PHACTR2: variants seen among roughly 807,000 people sequenced by gnomAD.
PHACTR2 encodes phosphatase and actin regulator 2, also known as chromosome 6 open reading frame 56.
Under a neutral mutation model 76.0 loss-of-function variants are expected in PHACTR2, and 30 were observed. The ratio of observed to expected loss-of-function variants is 0.39; its 90% CI spans 0.30 to 0.54. PHACTR2 has a LOEUF of 0.54. Ranked by LOEUF, PHACTR2 falls within the 20% of genes least tolerant of loss-of-function variation. The probability of loss-of-function intolerance (pLI) is 0.61; values close to 1 mark genes in which losing one functional copy is unlikely to be tolerated. For missense variants in PHACTR2, 696 were observed against 781.1 expected (o/e 0.89, Z 1.30); for synonymous variants, 292 against 292.5 (o/e 1.00, Z 0.02).
intron 2 of PHACTR2, among the ~76,000 whole-genome samples, chr6:143,716,322 T>C (rs995437104): frequency 6.6e-5 from 10 of 151,984 alleles, no homozygotes; most frequent in African/African-American, 2.4e-4. Flanking sequence ...GGGCAGATGG[T>C]GTCTGTTATG....
Position 143,678,008 on chromosome 6 carries a change from C to T in PHACTR2, c.-156C>T. The T allele has an allele frequency of 1.4e-6, 2 of 1,467,444 alleles. No homozygotes were observed. The highest frequency in any genetic ancestry group is 1.8e-6 in the Non-Finnish European group (2 of 1,105,296). The allele number at this position is 1,467,444 out of a possible 1,614,324, so 90.9% of individuals were successfully genotyped here. A position where few individuals can be genotyped will look rare whatever the true frequency, so the allele number is the denominator to read the frequency against. ...GCCGCGCCGGCTGCGGCCGGCCGGGCTGGGAGACCCGCGCGGGGTAGAAGG... is the reference window on the plus strand; with the variant it reads ...GCCGCGCCGGCTGCGGCCGGCCGGGTTGGGAGACCCGCGCGGGGTAGAAGG... On this transcript the variant is annotated 5_prime_UTR_variant, in exon 1 of 13. Transcript: ENST00000440869. The surrounding 1 kb of genome is among the most constrained non-coding windows in gnomAD (Gnocchi z 6.2).
At chr6:143,622,921 A>G (rs1189752544) in intron 1 of PHACTR2, among the ~76,000 whole-genome samples, 1 of 152,234 alleles carries the variant, frequency 6.6e-6, no homozygotes, top group Admixed American at 6.5e-5. Context: ...TGATTATATC[A>G]AAGGCATAAG....
chr6:143,632,611 G>A (rs964287251), intron 1 of PHACTR2, among the ~76,000 whole-genome samples: 1 of 152,162 alleles, frequency 6.6e-6, no homozygotes, highest in East Asian at 1.9e-4. Context: ...ATCACCTAAA[G>A]CCCAACATTA....
intron 1 of PHACTR2, among the ~76,000 whole-genome samples, chr6:143,573,483 A>G (rs1328088907): frequency 6.6e-6 from 1 of 152,236 alleles, no homozygotes; most frequent in Non-Finnish European, 1.5e-5. Flanking sequence ...AAGAGCCTAG[A>G]GAATTTCTGA....
chr6:143,615,398 T>A (rs907131971), intron 1 of PHACTR2, among the ~76,000 whole-genome samples: 1 of 152,222 alleles, frequency 6.6e-6, no homozygotes, highest in African/African-American at 2.4e-5. Context: ...TAATGATGTT[T>A]AATTAAGTTG....
At chr6:143,605,352 G>A (rs2128436431), upstream of PHACTR2, among the ~76,000 whole-genome samples, 1 of 152,254 alleles carries the variant, frequency 6.6e-6, no homozygotes, top group African/African-American at 2.4e-5. The surrounding 1 kb of genome is among the most constrained non-coding windows in gnomAD (Gnocchi z 5.0). Context: ...CCTCTACCAT[G>A]CCCACAGCAT....
rs1046648638 is a variant in PHACTR2 at position 143,602,723 on chromosome 6, C to T, written c.217+65516C>T. ...TTGTCCAAGTGTGGATTCACCAAACCACCTTGGCCAAAAGTCCAAACTTGT... is the reference window on the plus strand; with the variant it reads ...TTGTCCAAGTGTGGATTCACCAAACTACCTTGGCCAAAAGTCCAAACTTGT... On this transcript the variant is annotated intron_variant, in intron 1 of 11. Transcript: ENST00000367584. This position sits in a 1 kb window ranked among gnomAD's most constrained non-coding sequence, Gnocchi z 6.1. 1.3e-5 allele frequency among the ~76,000 whole-genome samples: 2 copies of T among 152,136 alleles called. No individual in the cohort carries two copies. The highest frequency in any genetic ancestry group is 2.9e-5 in the Non-Finnish European group (2 of 68,028).
chr6:143,547,806 G>A lies in PHACTR2; in HGVS notation c.217+10599G>A, dbSNP rs1775030954. Among the ~76,000 whole-genome samples the A allele has an allele frequency of 6.6e-6, 1 of 152,192 alleles. No individual in the cohort carries two copies. The highest frequency in any genetic ancestry group is 2.4e-5 in the African/African-American group (1 of 41,444). ...ACATTGATACATTGGTTGTGATCAA[G>A]GAGGGCACTCTCTTTTTGTTTCCAG... On this transcript the variant is annotated intron_variant, in intron 1 of 11. Transcript: ENST00000367584. The surrounding 1 kb of genome is among the most constrained non-coding windows in gnomAD (Gnocchi z 4.2).
chr6:143,538,115 A>ACACAC (rs1562677846), intron 1 of PHACTR2, among the ~76,000 whole-genome samples: 1 of 138,676 alleles, frequency 7.2e-6, no homozygotes, highest in Non-Finnish European at 1.6e-5. Flanking sequence ...CACACACACA[A>ACACAC]ACACACAAAA....
At chr6:143,566,321 G>T (rs573917563) in intron 1 of PHACTR2, among the ~76,000 whole-genome samples, 1 of 150,854 alleles carries the variant, frequency 6.6e-6, no homozygotes, top group Admixed American at 6.6e-5. Flanking sequence ...TAGAGACAGG[G>T]TCTCACTCTG....
chr6:143,763,391 A>T (rs1464036647), intron 5 of PHACTR2, among the ~76,000 whole-genome samples: 3 of 152,200 alleles, frequency 2.0e-5, no homozygotes, highest in Non-Finnish European at 4.4e-5. Context: ...TTTCTTTAAC[A>T]AATTATTAGA....
chr6:143,756,070 T>C (rs2128471210), intron 4 of PHACTR2, among the ~76,000 whole-genome samples: 1 of 152,216 alleles, frequency 6.6e-6, no homozygotes, highest in South Asian at 2.1e-4. Flanking sequence ...CTGTCATCTA[T>C]TTGGTTATAT....
At chr6:143,694,444 G>A (rs1777724315) in intron 1 of PHACTR2, among the ~76,000 whole-genome samples, 1 of 152,164 alleles carries the variant, frequency 6.6e-6, no homozygotes, top group African/African-American at 2.4e-5. Context: ...AGTAACTAAT[G>A]TGGCCACCTG....
At chr6:143,690,814 T>TTAATTATGTGATAA (rs1389430490) in intron 1 of PHACTR2, among the ~76,000 whole-genome samples, 1 of 152,214 alleles carries the variant, frequency 6.6e-6, no homozygotes, top group Non-Finnish European at 1.5e-5. Flanking sequence ...AAAAATGTGT[T>TTAATTATGTGATAA]TACTGTGATA....
rs1333465983 is a variant in PHACTR2, at chr6:143,809,708, ATG to A, written c.1922+2581_1922+2582del. On this transcript the variant is annotated intron_variant, in intron 12 of 12. Transcript: ENST00000440869. The surrounding 1 kb of genome is among the most constrained non-coding windows in gnomAD (Gnocchi z 4.2). ...TTTCCATGCATTTATAAATGTGTGT[ATG>A]TGTGTATATATATATATATATTAAA... Among the ~76,000 whole-genome samples, 1 of 136,154 alleles carries A rather than the reference ATG, an allele frequency of 7.3e-6. No individual in the cohort carries two copies. Among genetic ancestry groups the A allele is most frequent in the Non-Finnish European group, 1.7e-5 (1 of 59,088 alleles). 89.3% of individuals were successfully genotyped at this position (136,154 alleles called of 152,430 possible).
At position 143,761,786 on chromosome 6, in the gene PHACTR2, C is replaced by T. The variant is rs1316603113; in HGVS notation, c.694+1146C>T. ...AAAAATCTATTTTCCTTAAAATCAA[C>T]AGCAACTTTCTAGCAGTTGACTGTC... On this transcript the variant is annotated intron_variant, in intron 5 of 12. Coordinates refer to ENST00000440869, the MANE Select transcript of PHACTR2 (RefSeq NM_001100164.2). The surrounding 1 kb of genome is among the most constrained non-coding windows in gnomAD (Gnocchi z 5.2). Among the ~76,000 whole-genome samples, 2 of 152,048 alleles carry T rather than the reference C, an allele frequency of 1.3e-5. No individual in the cohort carries two copies. Among genetic ancestry groups the T allele is most frequent in the Admixed American group, 1.3e-4 (2 of 15,258 alleles).
In PHACTR2 at chr6:143,591,716, G is replaced by A. The variant is rs1290621000; in HGVS notation, c.217+54509G>A. Among the ~76,000 whole-genome samples, 2 of 152,200 alleles carry A rather than the reference G, an allele frequency of 1.3e-5. No individual in the cohort carries two copies. The highest frequency in any genetic ancestry group is 2.9e-5 in the Non-Finnish European group (2 of 68,030). Reference sequence around the variant, plus strand: ...GATCCCAATGCTGCACTGACATGTGGGCATAAGGGGCCTCCCTGCTCTGGG... The same window carrying A: ...GATCCCAATGCTGCACTGACATGTGAGCATAAGGGGCCTCCCTGCTCTGGG... On this transcript the variant is annotated intron_variant, in intron 1 of 11. Transcript: ENST00000367584. This position sits in a 1 kb window ranked among gnomAD's most constrained non-coding sequence, Gnocchi z 6.4.
intron 1 of PHACTR2, among the ~76,000 whole-genome samples, chr6:143,660,933 C>G (rs7741824): frequency 0.011 from 1,722 of 152,200 alleles, 23 homozygotes; most frequent in African/African-American, 0.04. Flanking sequence ...AGAACTGAGG[C>G]TTTAGAAAAA....
At chr6:143,567,738 C>G (rs1318582886) in intron 1 of PHACTR2, among the ~76,000 whole-genome samples, 2 of 152,192 alleles carry the variant, frequency 1.3e-5, no homozygotes, top group Non-Finnish European at 2.9e-5. Context: ...CTAGAACCTT[C>G]CCTACACTGG....
Sources: allele counts gnomAD v4.1 joint callset (sites outside exome capture counted in the v4.1 genomes callset), GRCh38; gene constraint gnomAD v4.1.1; non-coding constraint Gnocchi (gnomAD v3.1); transcripts MANE v1.5; gene names NCBI Gene and HGNC (gene_info 2026-07-23, HGNC 2026-07-21).